The following SAMD4A variants were observed in gnomAD, a reference collection of about 807,000 sequenced individuals.
The protein encoded by SAMD4A is protein Smaug homolog 1.
A neutral mutation model predicts 81.3 loss-of-function variants in SAMD4A; 33 were observed. The ratio of observed to expected loss-of-function variants is 0.41; its 90% CI spans 0.31 to 0.54. The LOEUF (loss-of-function observed/expected upper bound fraction) is 0.54. SAMD4A is among the 20% of genes least tolerant of loss of function. The pLI is 0.37. For synonymous variants in SAMD4A, 389 were observed against 382.1 expected, an observed-to-expected ratio of 1.02 and a Z score of -0.21; for missense variants, 854 against 951.1, an observed-to-expected ratio of 0.90 and a Z score of 1.34.
intron 3 of SAMD4A, among the ~76,000 whole-genome samples, chr14:54,729,050 A>C (rs1029037009): frequency 6.6e-6 from 1 of 152,138 alleles, no homozygotes; most frequent in East Asian, 1.9e-4. Flanking sequence ...CAATTGACTC[A>C]CTGCTCTTCT....
intron 2 of SAMD4A, among the ~76,000 whole-genome samples, chr14:54,593,138 G>A (rs2033823564): frequency 6.6e-6 from 1 of 152,112 alleles, no homozygotes; most frequent in South Asian, 2.1e-4. Flanking sequence ...ATGGATGCAT[G>A]CCATTCATTG....
At chr14:54,648,334 G>A (rs998143230) in intron 2 of SAMD4A, among the ~76,000 whole-genome samples, 3 of 152,184 alleles carry the variant, frequency 2.0e-5, no homozygotes, top group Non-Finnish European at 1.5e-5. Context: ...TGGGGAACAC[G>A]GGAGGATTTG....
intron 2 of SAMD4A, among the ~76,000 whole-genome samples, chr14:54,689,180 ACC>A (rs1344215958): frequency 2.6e-5 from 4 of 152,012 alleles, no homozygotes; most frequent in African/African-American, 9.6e-5. Context: ...TGATCCACCC[ACC>A]TCAGCCTCCC....
At chr14:54,637,365 C>CAAAAAAA (rs1172084217) in intron 2 of SAMD4A, among the ~76,000 whole-genome samples, 16 of 63,762 alleles carry the variant, frequency 2.5e-4, no homozygotes, top group East Asian at 1.5e-3. Context: ...AACTCCATCT[C>CAAAAAAA]AAAAAAAAAA....
At position 54,676,471 on chromosome 14, in the gene SAMD4A, A is replaced by C. The variant is rs2035996573; in HGVS notation, c.197-25591A>C. 2.0e-5 allele frequency among the ~76,000 whole-genome samples: 3 copies of C among 151,972 alleles called. No individual in the cohort carries two copies. In the South Asian group the frequency reaches 6.2e-4, roughly 32 times the overall value. On this transcript the variant is annotated intron_variant, in intron 2 of 12. Transcript: ENST00000554335. ...GGCTCACTGTAACCTCCGCCTCCCAAGTTCAAGCGATTCTCCTGCCTCAGT... is the reference window on the plus strand; with the variant it reads ...GGCTCACTGTAACCTCCGCCTCCCACGTTCAAGCGATTCTCCTGCCTCAGT...
intron 2 of SAMD4A, among the ~76,000 whole-genome samples, chr14:54,640,338 T>C (rs911160349): frequency 1.3e-5 from 2 of 152,220 alleles, no homozygotes; most frequent in East Asian, 1.9e-4. Context: ...CTAAAATCTC[T>C]TATCTGTGTT....
intron 3 of SAMD4A, among the ~76,000 whole-genome samples, chr14:54,730,393 C>T (rs2037532176): frequency 6.6e-6 from 1 of 152,242 alleles, no homozygotes; most frequent in Non-Finnish European, 1.5e-5. Flanking sequence ...GGCAAGTATA[C>T]ACTTTCTTTT....
intron 12 of SAMD4A, among the ~76,000 whole-genome samples, chr14:54,786,061 C>T (rs2139991051): frequency 6.6e-6 from 1 of 152,238 alleles, no homozygotes. Flanking sequence ...GGTCAGCAGC[C>T]CCCTAATGAG....
chr14:54,567,044 TA>T (rs1179553125), upstream of SAMD4A: 1 of 148,032 alleles, frequency 6.8e-6, no homozygotes, highest in Non-Finnish European at 1.5e-5. Flanking sequence ...GGAGGAGGAG[TA>T]AGAGGAGGAG....
chr14:54,784,149 C>G (rs1468826084), intron 11 of SAMD4A: 1 of 571,998 alleles, frequency 1.7e-6, no homozygotes, highest in African/African-American at 1.9e-5. Context: ...AGGAGGGGGC[C>G]TGGGGCAGAG....
chr14:54,573,490 T>C (rs2033194631), intron 2 of SAMD4A, among the ~76,000 whole-genome samples: 1 of 152,192 alleles, frequency 6.6e-6, no homozygotes, highest in African/African-American at 2.4e-5. Flanking sequence ...TTGCTTCTCC[T>C]TGACCCAAGG....
chr14:54,751,623 G>A, intron 6 of SAMD4A, 86 bp downstream of exon 6: 1 of 862,840 alleles, frequency 1.2e-6, no homozygotes, highest in Admixed American at 2.0e-5. Context: ...GTCATCGACA[G>A]ACCTTCTAGA....
rs2039229846 is a variant in SAMD4A at position 54,789,868 on chromosome 14, A to G, written c.*924A>G. On this transcript the variant is annotated 3_prime_UTR_variant, in exon 13 of 13. Transcript: ENST00000554335. ...GTGAGCGCACAAGGATGAGGACATC[A>G]TGTGATCAGTTATGGGTTTGCTCGC... 6.6e-6 allele frequency: 1 copy of G among 152,246 alleles called. No homozygotes were observed. Among genetic ancestry groups the G allele is most frequent in the South Asian group, 2.1e-4 (1 of 4,832 alleles). The allele number at this position is 152,246 out of a possible 1,614,324, so 9.4% of individuals were successfully genotyped here.
intron 11 of SAMD4A, among the ~76,000 whole-genome samples, chr14:54,779,759 C>T (rs2038954370): frequency 6.6e-6 from 1 of 151,318 alleles, no homozygotes. Context: ...CAGCTCACTG[C>T]AACCTCCACC....
In SAMD4A at chr14:54,650,444, A is replaced by G. The variant is rs532902692; in HGVS notation, c.197-51618A>G. On this transcript the variant is annotated intron_variant, in intron 2 of 12. Coordinates refer to ENST00000554335, the MANE Select transcript of SAMD4A (RefSeq NM_015589.6). ...TGAAGATCAACAGGCATTAATCAGT[A>G]GTGAATCAGTCTTGCCTCCTTGTCA... is the stretch of plus-strand genomic sequence containing the variant. Among the ~76,000 whole-genome samples, 98 of 152,334 alleles carry G rather than the reference A, an allele frequency of 6.4e-4. 1 individual carries two copies. The highest frequency in any genetic ancestry group is 2.3e-3 in the African/African-American group (94 of 41,580).
intron 2 of SAMD4A, among the ~76,000 whole-genome samples, chr14:54,697,270 A>C (rs2036600093): frequency 1.3e-5 from 2 of 152,210 alleles, no homozygotes; most frequent in African/African-American, 4.8e-5. Context: ...TAGACACTGC[A>C]ATGCTGGCTG....
intron 2 of SAMD4A, among the ~76,000 whole-genome samples, chr14:54,622,879 T>C (rs145948854): frequency 6.6e-6 from 1 of 152,220 alleles, no homozygotes; most frequent in Non-Finnish European, 1.5e-5. Context: ...AATCAGAACC[T>C]GCATTTCAAC....
rs1555352840 is a variant in SAMD4A, at chr14:54,770,088, C to G, written c.1597-16C>G. On this transcript the variant is annotated splice_polypyrimidine_tract_variant and intron_variant, in intron 8 of 12. Transcript: ENST00000554335. ...AGGCTGCGTCACCCATTTAAAAGTC[C>G]TGTTTGTTTTTGCAGGCATTTACAG... The G allele has an allele frequency of 1.9e-6, 3 of 1,543,176 alleles. No homozygotes were observed. The highest frequency in any genetic ancestry group is 4.5e-5 in the East Asian group (2 of 44,526).
At chr14:54,683,753 G>A (rs1348516210) in intron 2 of SAMD4A, among the ~76,000 whole-genome samples, 1 of 152,132 alleles carries the variant, frequency 6.6e-6, no homozygotes, top group African/African-American at 2.4e-5. Context: ...TTCAAGCCAG[G>A]TGATGAAAGT....
Sources: allele counts gnomAD v4.1 joint callset (sites outside exome capture counted in the v4.1 genomes callset), GRCh38; gene constraint gnomAD v4.1.1; transcripts MANE v1.5; gene names NCBI Gene and HGNC (gene_info 2026-07-23, HGNC 2026-07-21).